GOT1: variants seen among roughly 807,000 people sequenced by gnomAD.
GOT1 encodes aspartate aminotransferase, cytoplasmic.
Under a neutral mutation model 48.2 loss-of-function variants are expected in GOT1, and 25 were observed. The observed-to-expected ratio is 0.52, with a 90% CI of 0.38 to 0.72. The LOEUF is 0.72. Among genes scored for constraint, GOT1 ranks in the 30% least tolerant of loss-of-function variants. GOT1 has a pLI of 0.00. For synonymous variants in GOT1, 188 were observed against 193.8 expected (o/e 0.97, Z 0.25); for missense variants, 380 against 520.1 (o/e 0.73, Z 2.62).
Position 99,397,836 on chromosome 10 carries a change from C to T in GOT1, c.1103-150G>A. 2.9e-6 allele frequency: 2 copies of T among 695,674 alleles called. No homozygotes were observed. Among genetic ancestry groups the T allele is most frequent in the Non-Finnish European group, 4.8e-6 (2 of 418,514 alleles). 43.1% of individuals were successfully genotyped at this position (695,674 alleles called of 1,614,324 possible). On this transcript the variant is annotated intron_variant, in intron 8 of 8. Transcript: ENST00000370508. The surrounding 1 kb of genome is among the most constrained non-coding windows in gnomAD (Gnocchi z 5.4). Reference sequence around the variant, plus strand: ...GGCGCTATTTTGTCCAACTGACAAACAGAAAAATATGCTCACTAGATTCTG... The same window carrying T: ...GGCGCTATTTTGTCCAACTGACAAATAGAAAAATATGCTCACTAGATTCTG...
rs967207066 is a variant in GOT1 at position 99,414,531 on chromosome 10, T to C, written c.300+6093A>G. On this transcript the variant is annotated intron_variant, in intron 2 of 8. Coordinates refer to ENST00000370508, the MANE Select transcript of GOT1 (RefSeq NM_002079.3). Reference sequence around the variant, plus strand: ...CCACTGTCAACATTAGACAGATCAATGAAGACAGAAAGTTAACAAGGATAT... The same window carrying C: ...CCACTGTCAACATTAGACAGATCAACGAAGACAGAAAGTTAACAAGGATAT... Among the ~76,000 whole-genome samples the C allele has an allele frequency of 3.3e-5, 5 of 152,128 alleles. No individual in the cohort carries two copies. In the East Asian group the frequency reaches 9.7e-4, roughly 29 times the overall value.
At position 99,411,172 on chromosome 10, in the gene GOT1, C is replaced by G. The variant is rs2032823802; in HGVS notation, c.301-4323G>C. 2.6e-5 allele frequency among the ~76,000 whole-genome samples: 4 copies of G among 152,298 alleles called. No individual in the cohort carries two copies. In the South Asian group the frequency reaches 6.2e-4, roughly 24 times the overall value. On this transcript the variant is annotated intron_variant, in intron 2 of 8. Coordinates refer to ENST00000370508, the MANE Select transcript of GOT1 (RefSeq NM_002079.3). ...AAGATCTGAGCCACAGCAGAAGCCC[C>G]AAGTCGCCTAGAGGCAATCAAAGCG...
At chr10:99,409,119 T>G (rs149888665) in intron 2 of GOT1, among the ~76,000 whole-genome samples, 1 of 149,682 alleles carries the variant, frequency 6.7e-6, no homozygotes, top group Non-Finnish European at 1.5e-5. Context: ...AATAAAAAGG[T>G]TTTTTTTGTG....
chr10:99,403,927 A>C, intron 5 of GOT1, 53 bp from the exon 6 acceptor site: 2 of 1,581,590 alleles, frequency 1.3e-6, no homozygotes, highest in Non-Finnish European at 1.7e-6. Flanking sequence ...CACCAACCTC[A>C]GACACCGGCC....
chr10:99,400,849 G>A (rs1322005398), intron 8 of GOT1, among the ~76,000 whole-genome samples: 1 of 152,176 alleles, frequency 6.6e-6, no homozygotes, highest in Admixed American at 6.5e-5. Flanking sequence ...GCTGAGGCAG[G>A]AGAATCGCTT....
At chr10:99,430,064 T>TAGCA (rs2033096437) in intron 1 of GOT1, among the ~76,000 whole-genome samples, 1 of 152,198 alleles carries the variant, frequency 6.6e-6, no homozygotes, top group Non-Finnish European at 1.5e-5. Context: ...AGTTCTCCTT[T>TAGCA]ACCCATTTCC....
intron 2 of GOT1, among the ~76,000 whole-genome samples, chr10:99,410,027 GA>G (rs1391878080): frequency 6.6e-6 from 1 of 152,188 alleles, no homozygotes; most frequent in Non-Finnish European, 1.5e-5. Context: ...ACATTACAGA[GA>G]GGGGCAAAGG....
In GOT1 at chr10:99,407,889, AC is replaced by A. The variant is rs951157346; in HGVS notation, c.301-1041del. Among the ~76,000 whole-genome samples the A allele has an allele frequency of 9.9e-5, 15 of 152,006 alleles. 1 individual carries two copies. The highest frequency in any genetic ancestry group is 3.4e-4 in the African/African-American group (14 of 41,462). On this transcript the variant is annotated intron_variant, in intron 2 of 8. Coordinates refer to ENST00000370508, the MANE Select transcript of GOT1 (RefSeq NM_002079.3). ...TACATGTGCCATGGTGGTTTGTGGC[AC>A]CCATCAACCCGTCATCTAGGTTTTA... is the stretch of plus-strand genomic sequence containing the variant.
intron 8 of GOT1, among the ~76,000 whole-genome samples, chr10:99,398,401 G>T (rs1177159410): frequency 1.3e-5 from 2 of 152,192 alleles, no homozygotes; most frequent in Non-Finnish European, 2.9e-5. Flanking sequence ...TGGGCACAGT[G>T]GTTCACGCCT....
chr10:99,405,994 C>A, intron 4 of GOT1, 134 bp from the exon 5 acceptor site: 1 of 799,926 alleles, frequency 1.3e-6, no homozygotes, highest in Non-Finnish European at 2.2e-6. Flanking sequence ...CTTTTGTGCC[C>A]TCTCTCTTAC....
Position 99,402,636 on chromosome 10 carries a change from CCA to C in GOT1, c.1044_1045del (p.Gly349AspfsTer7). The C allele has an allele frequency of 6.2e-7, 1 of 1,614,132 alleles. No homozygotes were observed. The stretch of plus-strand genomic sequence containing the variant: ...TTGATCAGTGATGTGGTTCCAGGTC[CCA>C]GGGGTTTTGAGGGCTTCTAGTCGTG... On this transcript the variant is annotated frameshift_variant, in exon 8 of 9. Coordinates refer to ENST00000370508, the MANE Select transcript of GOT1 (RefSeq NM_002079.3). LOFTEE classifies it high-confidence loss of function.
intron 1 of GOT1, among the ~76,000 whole-genome samples, chr10:99,426,964 A>T (rs890357436): frequency 1.3e-5 from 2 of 152,194 alleles, no homozygotes; most frequent in African/African-American, 2.4e-5. Flanking sequence ...CAAGGGGTAT[A>T]CTTGGGGATG....
At chr10:99,428,735 G>A (rs755188213) in intron 1 of GOT1, among the ~76,000 whole-genome samples, 6 of 152,314 alleles carry the variant, frequency 3.9e-5, no homozygotes, top group South Asian at 4.1e-4. Context: ...GCAAAGAAAC[G>A]CTTGGAGGTT....
At chr10:99,403,954 T>A in intron 5 of GOT1, 80 bp from the exon 6 acceptor site, 1 of 1,358,368 alleles carries the variant, frequency 7.4e-7, no homozygotes, top group Non-Finnish European at 1.0e-6. Flanking sequence ...CCCCAGCTGA[T>A]GCCTGGAGGG....
rs562259514 is a variant in GOT1, at chr10:99,420,909, CAG to C, written c.119-106_119-105del. On this transcript the variant is annotated intron_variant, in intron 1 of 8. Coordinates refer to ENST00000370508, the MANE Select transcript of GOT1 (RefSeq NM_002079.3). ...GAATCCCACCACCTTCCGGTCAAAA[CAG>C]AACAGTGAAGGAAATTGGAGAAAAG... 1.4e-4 allele frequency: 132 copies of C among 934,140 alleles called. No homozygotes were observed. In the African/African-American group the frequency reaches 1.7e-3, roughly 12 times the overall value. 57.9% of individuals were successfully genotyped at this position (934,140 alleles called of 1,614,324 possible).
intron 1 of GOT1, among the ~76,000 whole-genome samples, chr10:99,429,883 G>A (rs949132541): frequency 6.6e-6 from 1 of 152,106 alleles, no homozygotes; most frequent in Non-Finnish European, 1.5e-5. Context: ...AGACCCCCCG[G>A]GGGCAGCATT....
At chr10:99,409,128 T>G (rs1448751710) in intron 2 of GOT1, among the ~76,000 whole-genome samples, 1 of 148,586 alleles carries the variant, frequency 6.7e-6, no homozygotes, top group Non-Finnish European at 1.5e-5. Flanking sequence ...GTTTTTTTTG[T>G]GTTTTTTTTT....
rs116259322 is a variant in GOT1, at chr10:99,397,145, C to T, written c.*402G>A. 1,852 of 174,062 alleles carry T rather than the reference C, an allele frequency of 0.011. 36 individuals are homozygous for T. Among genetic ancestry groups the T allele is most frequent in the African/African-American group, 0.04 (1,711 of 42,348 alleles). The allele number at this position is 174,062 out of a possible 1,614,324, so 10.8% of individuals were successfully genotyped here. ...GAGATGATGAATTTAATGCCGCAGC[C>T]GACACCCACATTCACACTTTGGCTC... is the stretch of plus-strand genomic sequence containing the variant. On this transcript the variant is annotated 3_prime_UTR_variant, in exon 9 of 9. Transcript: ENST00000370508. The surrounding 1 kb of genome is among the most constrained non-coding windows in gnomAD (Gnocchi z 5.4).
intron 8 of GOT1, among the ~76,000 whole-genome samples, chr10:99,400,258 T>C (rs1346179125): frequency 1.3e-5 from 2 of 152,236 alleles, no homozygotes; most frequent in Non-Finnish European, 2.9e-5. Context: ...AGAAAAAAGA[T>C]AACAAAGGAA....
Sources: gnomAD v4.1 joint callset for allele counts (sites outside exome capture counted in the v4.1 genomes callset) on GRCh38, gnomAD v4.1.1 for gene constraint, Gnocchi (gnomAD v3.1) non-coding constraint, MANE v1.5 for transcripts, NCBI Gene and HGNC (gene_info 2026-07-23, HGNC 2026-07-21) for gene names.